Variants in SMYD3 observed in about 807,000 individuals in gnomAD.
SMYD3 encodes histone-lysine N-methyltransferase SMYD3.
A neutral mutation model predicts 57.7 loss-of-function variants in SMYD3; 36 were observed. The observed-to-expected ratio is 0.62, with a 90% CI of 0.48 to 0.82. The LOEUF is 0.82. Ranked by LOEUF, SMYD3 falls within the 40% of genes least tolerant of loss-of-function variation. The pLI, the probability that SMYD3 is intolerant of heterozygous loss-of-function variation, is 0.00. For synonymous variants in SMYD3, 211 were observed against 195.0 expected, an observed-to-expected ratio of 1.08 and a Z score of -0.68; for missense variants, 515 against 538.8, an observed-to-expected ratio of 0.96 and a Z score of 0.44.
At chr1:246,037,619 G>A (rs1179889810) in intron 5 of SMYD3, among the ~76,000 whole-genome samples, 1 of 152,188 alleles carries the variant, frequency 6.6e-6, no homozygotes, top group Non-Finnish European at 1.5e-5. Context: ...CTTTGTCCCT[G>A]CCTTCAATCC....
chr1:246,485,662 T>C (rs1012305953), intron 1 of SMYD3, among the ~76,000 whole-genome samples: 1 of 152,044 alleles, frequency 6.6e-6, no homozygotes, highest in Non-Finnish European at 1.5e-5. Flanking sequence ...GGGTGGTGGT[T>C]CGTGCCTGTA....
At chr1:245,898,630 G>A (rs1372266188) in intron 8 of SMYD3, among the ~76,000 whole-genome samples, 2 of 152,206 alleles carry the variant, frequency 1.3e-5, no homozygotes, top group African/African-American at 4.8e-5. Flanking sequence ...AGAGCCCGGT[G>A]AATAATCAGG....
chr1:246,283,555 G>A (rs763959680), intron 5 of SMYD3, among the ~76,000 whole-genome samples: 7 of 152,170 alleles, frequency 4.6e-5, no homozygotes, highest in East Asian at 3.9e-4. Context: ...CATAAATAAC[G>A]TCCTCATTCA....
intron 1 of SMYD3, among the ~76,000 whole-genome samples, chr1:246,393,404 C>A (rs1316867971): frequency 6.6e-6 from 1 of 152,108 alleles, no homozygotes; most frequent in Non-Finnish European, 1.5e-5. Context: ...AGAAGCATCA[C>A]AATTAGCTCA....
chr1:246,161,511 A>T (rs2062119643), intron 5 of SMYD3, among the ~76,000 whole-genome samples: 1 of 152,090 alleles, frequency 6.6e-6, no homozygotes. Context: ...TTTGATTTCG[A>T]TGGTCTCCTT....
intron 5 of SMYD3, among the ~76,000 whole-genome samples, chr1:246,080,056 C>T (rs548321279): frequency 9.8e-5 from 15 of 152,318 alleles, no homozygotes; most frequent in African/African-American, 3.1e-4. Context: ...CAGGGCTCTA[C>T]ACCAAAACTC....
chr1:246,379,029 C>A (rs2066341739), intron 1 of SMYD3, among the ~76,000 whole-genome samples: 1 of 139,222 alleles, frequency 7.2e-6, no homozygotes, highest in Non-Finnish European at 1.5e-5. Flanking sequence ...AGAAAGAAAA[C>A]AATATTTTAT....
intron 8 of SMYD3, among the ~76,000 whole-genome samples, chr1:245,901,215 T>C (rs2054161090): frequency 6.6e-6 from 1 of 152,166 alleles, no homozygotes; most frequent in South Asian, 2.1e-4. Context: ...TGCCACTTTT[T>C]CCTTTAAGTC....
At chr1:246,114,085 C>T (rs3820245) in intron 5 of SMYD3, among the ~76,000 whole-genome samples, 1 of 152,156 alleles carries the variant, frequency 6.6e-6, no homozygotes, top group Non-Finnish European at 1.5e-5. Context: ...CTAATAGAAC[C>T]CCATTATCAG....
At position 245,903,986 on chromosome 1, in the gene SMYD3, T is replaced by C. The variant is rs147543542; in HGVS notation, c.813+11544A>G. Among the ~76,000 whole-genome samples the C allele has an allele frequency of 7.9e-4, 120 of 152,348 alleles. 1 individual carries two copies. Among genetic ancestry groups the C allele is most frequent in the African/African-American group, 2.3e-3 (95 of 41,586 alleles). ...TTAACATTTGGCTCCTTGTTTCTTA[T>C]GCAAATTTCTGTAGCCAGCTTGAAT... On this transcript the variant is annotated intron_variant, in intron 8 of 11. Transcript: ENST00000490107.
At chr1:245,897,186 A>T (rs1010295922) in intron 8 of SMYD3, among the ~76,000 whole-genome samples, 3 of 152,240 alleles carry the variant, frequency 2.0e-5, no homozygotes, top group African/African-American at 7.2e-5. Context: ...AATCTTGGAA[A>T]TAAAAATTGG....
At chr1:245,946,073 C>G (rs985362834) in intron 5 of SMYD3, among the ~76,000 whole-genome samples, 13 of 152,132 alleles carry the variant, frequency 8.5e-5, no homozygotes, top group South Asian at 2.1e-4. Context: ...CACATGTTTA[C>G]ATATGTAACA....
At chr1:246,218,301 G>C (rs1182375545) in intron 5 of SMYD3, among the ~76,000 whole-genome samples, 1 of 152,044 alleles carries the variant, frequency 6.6e-6, no homozygotes, top group Admixed American at 6.5e-5. Context: ...AGGGAGATAA[G>C]AGAGAGAAGC....
At chr1:246,470,568 CTA>C (rs1252655221) in intron 1 of SMYD3, among the ~76,000 whole-genome samples, 3 of 148,436 alleles carry the variant, frequency 2.0e-5, no homozygotes, top group African/African-American at 4.9e-5. Flanking sequence ...TATATACACA[CTA>C]TATATATACA....
chr1:246,345,133 A>G (rs1210420382), intron 2 of SMYD3, among the ~76,000 whole-genome samples: 1 of 152,160 alleles, frequency 6.6e-6, no homozygotes. Flanking sequence ...TGTGTTCTAC[A>G]TAGGAAATTT....
intron 5 of SMYD3, among the ~76,000 whole-genome samples, chr1:246,196,284 A>G (rs945602843): frequency 1.3e-5 from 2 of 152,184 alleles, no homozygotes; most frequent in Non-Finnish European, 2.9e-5. Context: ...CTGGGTACAG[A>G]CACTGCTCCT....
intron 5 of SMYD3, among the ~76,000 whole-genome samples, chr1:245,974,328 C>T (rs1028477730): frequency 6.6e-6 from 1 of 152,172 alleles, no homozygotes; most frequent in Non-Finnish European, 1.5e-5. Flanking sequence ...AATACATGAG[C>T]AGTATTATAA....
intron 5 of SMYD3, among the ~76,000 whole-genome samples, chr1:246,223,636 C>T (rs1481572500): frequency 6.6e-6 from 1 of 152,072 alleles, no homozygotes; most frequent in African/African-American, 2.4e-5. Flanking sequence ...TACGACTATA[C>T]TATAGGTGCT....
chr1:246,471,816 CTTAAG>C (rs1441416290), intron 1 of SMYD3, among the ~76,000 whole-genome samples: 1 of 152,180 alleles, frequency 6.6e-6, no homozygotes, highest in Non-Finnish European at 1.5e-5. Flanking sequence ...AAGACTACTT[CTTAAG>C]TTAACTAGGC....
Sources: allele counts gnomAD v4.1 joint callset (sites outside exome capture counted in the v4.1 genomes callset), GRCh38; gene constraint gnomAD v4.1.1; transcripts MANE v1.5; gene names NCBI Gene and HGNC (gene_info 2026-07-23, HGNC 2026-07-21).